ZDHHC15: variants seen among roughly 807,000 people sequenced by gnomAD.
ZDHHC15 encodes palmitoyltransferase ZDHHC15.
In ZDHHC15, 19 loss-of-function variants were observed where a neutral mutation model predicts 31.7. That is an observed-to-expected ratio of 0.60 (90% CI 0.42 to 0.88). The LOEUF (loss-of-function observed/expected upper bound fraction) is 0.88. ZDHHC15 is among the 40% of genes least tolerant of loss of function. The pLI is 0.00. For synonymous variants in ZDHHC15, 103 were observed against 90.0 expected (o/e 1.14, Z -0.82); for missense variants, 209 against 251.2 (o/e 0.83, Z 1.14).
rs756957589 is a variant in ZDHHC15 at position 75,372,108 on chromosome X, T to C, written c.*870A>G. ...ATAACTTAGGCTTATAGATTTTCTT[T>C]CATCATAAAATAACTCATAAAGGCT... On this transcript the variant is annotated 3_prime_UTR_variant, in exon 12 of 12. Transcript: ENST00000373367. 4 of 112,145 alleles carry C rather than the reference T, an allele frequency of 3.6e-5. No homozygotes were observed. The highest frequency in any genetic ancestry group is 5.6e-5 in the Non-Finnish European group (3 of 53,199). The allele number at this position is 112,145 out of a possible 1,213,427, so 9.2% of individuals were successfully genotyped here.
At chrX:75,401,642 G>A (rs764408935) in intron 10 of ZDHHC15, among the ~76,000 whole-genome samples, 1 of 112,071 alleles carries the variant, frequency 8.9e-6, no homozygotes, top group African/African-American at 3.2e-5. Context: ...AAAAGACAAG[G>A]AAGGGCATTA....
At chrX:75,402,183 T>C (rs1170636649) in intron 10 of ZDHHC15, among the ~76,000 whole-genome samples, 1 of 112,105 alleles carries the variant, frequency 8.9e-6, no homozygotes. Context: ...AGTAGTTCTT[T>C]GAAAATAATT....
rs181834801 is a variant in ZDHHC15 at position 75,371,967 on chromosome X, C to T, written c.*1011G>A. 2.1e-4 allele frequency: 23 copies of T among 112,132 alleles called. No homozygotes were observed. Among genetic ancestry groups the T allele is most frequent in the African/African-American group, 6.5e-4 (20 of 30,931 alleles). The allele number at this position is 112,132 out of a possible 1,213,427, so 9.2% of individuals were successfully genotyped here. On this transcript the variant is annotated 3_prime_UTR_variant, in exon 12 of 12. Coordinates refer to ENST00000373367, the MANE Select transcript of ZDHHC15 (RefSeq NM_144969.3). ...TACAATAGCCCCTGCTATGAAAACA[C>T]AGCTCTTTAGTGCTAATCCTCAGGC...
chrX:75,385,306 G>A (rs879034467), intron 10 of ZDHHC15, among the ~76,000 whole-genome samples: 1 of 110,913 alleles, frequency 9.0e-6, no homozygotes, highest in Admixed American at 9.6e-5. Flanking sequence ...CCTCTCAGAA[G>A]GTCCAGGGAT....
chrX:75,492,372 C>T (rs997970037), intron 2 of ZDHHC15, among the ~76,000 whole-genome samples: 10 of 110,706 alleles, frequency 9.0e-5, no homozygotes, highest in East Asian at 8.5e-4. Flanking sequence ...GACAGATCAA[C>T]GAGACAGAAA....
chrX:75,408,212 C>CT (rs2083442752), intron 10 of ZDHHC15, among the ~76,000 whole-genome samples: 2 of 24,555 alleles, frequency 8.1e-5, no homozygotes, highest in Non-Finnish European at 7.2e-4. Context: ...TCAATAAATA[C>CT]TAAAAAAAAA....
At chrX:75,517,753 A>T (rs1208234826) in intron 1 of ZDHHC15, among the ~76,000 whole-genome samples, 1 of 107,228 alleles carries the variant, frequency 9.3e-6, no homozygotes, top group African/African-American at 3.7e-5. Context: ...TAAAATTTTA[A>T]AAAAAAGCTG....
intron 11 of ZDHHC15, among the ~76,000 whole-genome samples, chrX:75,375,659 T>C (rs1431543932): frequency 8.9e-6 from 1 of 111,861 alleles, no homozygotes; most frequent in East Asian, 2.8e-4. Flanking sequence ...GAACATGCAT[T>C]ATTTGGTTTC....
intron 1 of ZDHHC15, among the ~76,000 whole-genome samples, chrX:75,518,527 T>A (rs1569375980): frequency 9.2e-6 from 1 of 108,494 alleles, no homozygotes; most frequent in Non-Finnish European, 1.9e-5. Context: ...TCTGTGCTGC[T>A]TGATGGGAAT....
At chrX:75,404,162 C>G in intron 10 of ZDHHC15, among the ~76,000 whole-genome samples, 1 of 111,838 alleles carries the variant, frequency 8.9e-6, no homozygotes, top group Non-Finnish European at 1.9e-5. Context: ...GCTGGGATAA[C>G]TGGTTCACCA....
At chrX:75,495,447 T>C (rs1426535326) in intron 2 of ZDHHC15, among the ~76,000 whole-genome samples, 1 of 111,023 alleles carries the variant, frequency 9.0e-6, no homozygotes, top group Non-Finnish European at 1.9e-5. Context: ...ACCCACAGGA[T>C]TATAAATCAT....
chrX:75,374,587 C>A (rs1308524463), intron 11 of ZDHHC15, among the ~76,000 whole-genome samples: 1 of 109,003 alleles, frequency 9.2e-6, no homozygotes, highest in Non-Finnish European at 1.9e-5. Flanking sequence ...ATGTTTATAG[C>A]AGCTTTATGT....
At chrX:75,417,040 A>C (rs1342389990) in intron 10 of ZDHHC15, 47 bp downstream of exon 10, 1 of 1,012,849 alleles carries the variant, frequency 9.9e-7, no homozygotes, top group South Asian at 2.0e-5. Flanking sequence ...TCACCACATT[A>C]CATTGGTTGT....
At chrX:75,396,716 A>C (rs909092555) in intron 10 of ZDHHC15, among the ~76,000 whole-genome samples, 2 of 111,814 alleles carry the variant, frequency 1.8e-5, no homozygotes, top group African/African-American at 6.5e-5. Flanking sequence ...ACAACTCATA[A>C]TAGCCAAGAT....
intron 1 of ZDHHC15, among the ~76,000 whole-genome samples, chrX:75,510,308 T>G (rs2085241319): frequency 9.0e-6 from 1 of 111,013 alleles, no homozygotes; most frequent in Admixed American, 9.7e-5. Flanking sequence ...TGGAGTTATA[T>G]TAGGCATTTG....
chrX:75,466,507 G>C (rs1164208098), intron 3 of ZDHHC15, among the ~76,000 whole-genome samples: 1 of 110,691 alleles, frequency 9.0e-6, no homozygotes, highest in Non-Finnish European at 1.9e-5. Flanking sequence ...AGTTTCCTGA[G>C]GCCTGCCCAG....
At chrX:75,504,762 G>A (rs1262864907) in intron 2 of ZDHHC15, among the ~76,000 whole-genome samples, 1 of 111,254 alleles carries the variant, frequency 9.0e-6, no homozygotes, top group Non-Finnish European at 1.9e-5. Flanking sequence ...ATTTTATTCA[G>A]AAGATGATCT....
chrX:75,387,048 A>G (rs2083187426), intron 10 of ZDHHC15, among the ~76,000 whole-genome samples: 1 of 111,442 alleles, frequency 9.0e-6, no homozygotes, highest in African/African-American at 3.3e-5. Context: ...CACATTTTGG[A>G]TGGGCAGTGC....
At chrX:75,519,137 G>A (rs1026761444) in intron 1 of ZDHHC15, among the ~76,000 whole-genome samples, 14 of 109,850 alleles carry the variant, frequency 1.3e-4, no homozygotes, top group African/African-American at 4.3e-4. Flanking sequence ...GGTGATGGCT[G>A]CACAACATTG....
Sources: gnomAD v4.1 joint callset for allele counts (sites outside exome capture counted in the v4.1 genomes callset) on GRCh38, gnomAD v4.1.1 for gene constraint, MANE v1.5 for transcripts, NCBI Gene and HGNC (gene_info 2026-07-23, HGNC 2026-07-21) for gene names.